SPECC1: variants seen among roughly 807,000 people sequenced by gnomAD.
SPECC1 encodes cytospin-B.
A neutral mutation model predicts 104.1 loss-of-function variants in SPECC1; 62 were observed. That is an observed-to-expected ratio of 0.60 (90% CI 0.49 to 0.74). The LOEUF (loss-of-function observed/expected upper bound fraction) is 0.74. Ranked by LOEUF, SPECC1 falls within the 30% of genes least tolerant of loss-of-function variation. The probability of loss-of-function intolerance (pLI) is 0.00; values close to 1 mark genes in which losing one functional copy is unlikely to be tolerated. For synonymous variants in SPECC1, 513 were observed against 501.6 expected (o/e 1.02, Z -0.30); for missense variants, 1,306 against 1,310.5 (o/e 1.00, Z 0.05).
intron 12 of SPECC1, among the ~76,000 whole-genome samples, chr17:20,263,456 C>CAT (rs1316249376): frequency 6.7e-6 from 1 of 150,294 alleles, no homozygotes; most frequent in Non-Finnish European, 1.5e-5. Flanking sequence ...CAACATGGCA[C>CAT]ATATATACAT....
intron 4 of SPECC1, among the ~76,000 whole-genome samples, chr17:20,220,433 T>C (rs565395214): frequency 2.1e-4 from 32 of 152,284 alleles, no homozygotes; most frequent in Non-Finnish European, 4.6e-4. Flanking sequence ...TCACAGCTAC[T>C]ATAAATGGGA....
chr17:20,261,914 TC>T (rs1173614129), intron 12 of SPECC1, among the ~76,000 whole-genome samples: 1 of 152,208 alleles, frequency 6.6e-6, no homozygotes, highest in Non-Finnish European at 1.5e-5. Flanking sequence ...CACAGACCCT[TC>T]CTATGACTTT....
At chr17:20,140,507 TTG>T (rs2030642847) in intron 3 of SPECC1, among the ~76,000 whole-genome samples, 1 of 152,220 alleles carries the variant, frequency 6.6e-6, no homozygotes. Flanking sequence ...CTCTCCCTCT[TTG>T]TACTCATATT....
chr17:20,016,685 C>T (rs1009736443), intron 1 of SPECC1, among the ~76,000 whole-genome samples: 4 of 152,228 alleles, frequency 2.6e-5, no homozygotes, highest in South Asian at 2.1e-4. Flanking sequence ...TCATGACCTG[C>T]GGCCCGCCAT....
At chr17:20,311,251 T>G (rs2041923101) in intron 14 of SPECC1, among the ~76,000 whole-genome samples, 2 of 152,160 alleles carry the variant, frequency 1.3e-5, no homozygotes, top group Non-Finnish European at 2.9e-5. Flanking sequence ...TGTAAATGCT[T>G]TGGGATTTTT....
At chr17:20,268,877 C>T (rs939992078) in intron 12 of SPECC1, among the ~76,000 whole-genome samples, 12 of 152,184 alleles carry the variant, frequency 7.9e-5, no homozygotes, top group Non-Finnish European at 1.6e-4. Flanking sequence ...CACTCCCACT[C>T]TCAGTGGTGT....
intron 1 of SPECC1, among the ~76,000 whole-genome samples, chr17:20,055,001 T>TC (rs1225920826): frequency 1.3e-5 from 2 of 152,246 alleles, no homozygotes; most frequent in Non-Finnish European, 2.9e-5. Flanking sequence ...TATTGTTGAC[T>TC]CTAGGTACAG....
At chr17:20,078,583 G>A (rs2046852073) in intron 1 of SPECC1, among the ~76,000 whole-genome samples, 1 of 152,032 alleles carries the variant, frequency 6.6e-6, no homozygotes, top group South Asian at 2.1e-4. Context: ...TAACCAATGG[G>A]AACAAAAATT....
chr17:20,085,567 C>T (rs1333384748), intron 1 of SPECC1, among the ~76,000 whole-genome samples: 1 of 152,202 alleles, frequency 6.6e-6, no homozygotes, highest in African/African-American at 2.4e-5. Flanking sequence ...GCGATTGATG[C>T]TGACGAAGGA....
intron 4 of SPECC1, among the ~76,000 whole-genome samples, chr17:20,225,511 C>T (rs2038146101): frequency 6.6e-6 from 1 of 152,176 alleles, no homozygotes; most frequent in African/African-American, 2.4e-5. Context: ...TGAATTCTGT[C>T]CTGTGTTGCT....
intron 13 of SPECC1, among the ~76,000 whole-genome samples, chr17:20,302,008 T>C (rs1228862793): frequency 6.6e-6 from 1 of 152,132 alleles, no homozygotes; most frequent in East Asian, 1.9e-4. Context: ...TGCCCAGCCA[T>C]TTTTGTTTTT....
chr17:20,165,399 A>G (rs1431368333), intron 3 of SPECC1, among the ~76,000 whole-genome samples: 1 of 152,004 alleles, frequency 6.6e-6, no homozygotes, highest in Non-Finnish European at 1.5e-5. Context: ...GTTCCTTTTT[A>G]TGGCTGCATT....
intron 3 of SPECC1, among the ~76,000 whole-genome samples, chr17:20,183,849 A>G (rs1300145599): frequency 6.6e-6 from 1 of 152,090 alleles, no homozygotes. Flanking sequence ...AAGGCCGACT[A>G]TATCATTCTT....
chr17:20,030,335 C>T (rs1456042730), intron 1 of SPECC1, among the ~76,000 whole-genome samples: 2 of 151,926 alleles, frequency 1.3e-5, no homozygotes, highest in African/African-American at 4.8e-5. Context: ...CTATTGTCTT[C>T]TTCCCTTTTT....
In SPECC1 at chr17:20,205,792, A is replaced by C; in HGVS notation, c.1743A>C (p.Gln581His). The part of the protein sequence containing the change: ...VEQTAESCEV[Q>H]EMLKVARAEK... ...AGACGGCAGAGAGCTGCGAAGTTCA[A>C]GAAATGTTGAAAGTAGCCCGAGCAG... is the stretch of plus-strand genomic sequence containing the variant. The change falls in exon 4 of 15, where the codon CAA becomes CAC. Residue 581 changes from glutamine (Q) to histidine (H), a missense_variant. Coordinates refer to ENST00000395527, the MANE Select transcript of SPECC1 (RefSeq NM_001243439.2). 1 of 1,614,232 alleles carries C rather than the reference A, an allele frequency of 6.2e-7. No individual in the cohort carries two copies. Among genetic ancestry groups the C allele is most frequent in the African/African-American group, 1.3e-5 (1 of 75,064 alleles).
intron 12 of SPECC1, among the ~76,000 whole-genome samples, chr17:20,283,101 T>G (rs898020558): frequency 2.0e-5 from 3 of 152,196 alleles, no homozygotes; most frequent in Non-Finnish European, 4.4e-5. Flanking sequence ...GGAGGATCAC[T>G]TGAGCACAGG....
At chr17:20,111,186 C>T (rs1374512760) in intron 3 of SPECC1, among the ~76,000 whole-genome samples, 1 of 152,170 alleles carries the variant, frequency 6.6e-6, no homozygotes, top group Non-Finnish European at 1.5e-5. Context: ...AACTCTTAAG[C>T]TTTCATGGCC....
intron 1 of SPECC1, among the ~76,000 whole-genome samples, chr17:20,030,572 A>G (rs900547680): frequency 1.3e-5 from 2 of 152,170 alleles, no homozygotes; most frequent in Admixed American, 6.5e-5. Context: ...AGGTTCAACA[A>G]TAGGCTTTAT....
At chr17:20,051,493 T>TA (rs1292228297) in intron 1 of SPECC1, among the ~76,000 whole-genome samples, 2 of 152,306 alleles carry the variant, frequency 1.3e-5, no homozygotes, top group South Asian at 2.1e-4. Context: ...GTTATTTCTT[T>TA]AAAAAATCAA....
Sources: allele counts gnomAD v4.1 joint callset (sites outside exome capture counted in the v4.1 genomes callset), GRCh38; gene constraint gnomAD v4.1.1; transcripts MANE v1.5; gene names NCBI Gene and HGNC (gene_info 2026-07-23, HGNC 2026-07-21).